The following LYZ variants were observed in gnomAD, a reference collection of about 807,000 sequenced individuals.
LYZ encodes the protein lysozyme.
LYZ carries 18 observed loss-of-function variants against 15.8 expected under a neutral mutation model. That is an observed-to-expected ratio of 1.14 (90% CI 0.79 to 1.69). The LOEUF (loss-of-function observed/expected upper bound fraction) is 1.69, where lower values mean the gene tolerates loss of function less well. LYZ is among the 40% of genes most tolerant of loss of function. The probability of loss-of-function intolerance (pLI) is 0.00; values close to 1 mark genes in which losing one functional copy is unlikely to be tolerated. For synonymous variants in LYZ, 60 were observed against 61.7 expected (o/e 0.97, Z 0.13); for missense variants, 139 against 182.8 (o/e 0.76, Z 1.38).
rs773204148 is a variant in LYZ, at chr12:69,348,498, G to C, written c.90G>C (p.Leu30=). The C allele has an allele frequency of 1.1e-5, 18 of 1,614,066 alleles. No individual in the cohort carries two copies. In the Admixed American group the frequency reaches 2.8e-4, roughly 25 times the overall value. The change falls in exon 1 of 4, where the codon CTG becomes CTC. Residue 30 remains leucine, a synonymous_variant. Transcript: ENST00000261267. The part of the protein sequence containing the change: ...VFERCELART[L]KRLGMDGYRG... ...AAAGGTGTGAGTTGGCCAGAACTCT[G>C]AAAAGATTGGGAATGGATGGCTACA...
Position 69,353,973 on chromosome 12 carries a change from T to C in LYZ, c.*754T>C, listed in dbSNP as rs984952821. 1 of 152,184 alleles carries C rather than the reference T, an allele frequency of 6.6e-6. No individual in the cohort carries two copies. Among genetic ancestry groups the C allele is most frequent in the African/African-American group, 2.4e-5 (1 of 41,430 alleles). 9.4% of individuals were successfully genotyped at this position (152,184 alleles called of 1,614,324 possible). On this transcript the variant is annotated 3_prime_UTR_variant, in exon 4 of 4. Coordinates refer to ENST00000261267, the MANE Select transcript of LYZ (RefSeq NM_000239.3). ...CCAAAAACAGTAAAAATAACCACTT[T>C]TTGTTGGGCAATATGAAATTTTTAA... is the stretch of plus-strand genomic sequence containing the variant.
rs1413508634 is a variant in LYZ at position 69,353,443 on chromosome 12, G to T, written c.*224G>T. ...CAGTTTGCAAATAGAACTAATACTG[G>T]TGAAAATTTACCTAAAACCTTGGTT... is the stretch of plus-strand genomic sequence containing the variant. On this transcript the variant is annotated 3_prime_UTR_variant, in exon 4 of 4. Transcript: ENST00000261267. The T allele has an allele frequency of 1.0e-5, 6 of 587,532 alleles. No individual in the cohort carries two copies. Among genetic ancestry groups the T allele is most frequent in the Admixed American group, 2.9e-5 (1 of 34,604 alleles). The allele number at this position is 587,532 out of a possible 1,614,324, so 36.4% of individuals were successfully genotyped here. A position where few individuals can be genotyped will look rare whatever the true frequency, so the allele number is the denominator to read the frequency against.
At chr12:69,349,957 T>G (rs1874803890) in intron 1 of LYZ, 151 bp from the exon 2 acceptor site, 1 of 667,510 alleles carries the variant, frequency 1.5e-6, no homozygotes, top group Non-Finnish European at 2.6e-6. Context: ...GTCCCTTATC[T>G]TAACACTAAA....
intron 1 of LYZ, among the ~76,000 whole-genome samples, chr12:69,349,302 C>T (rs963121766): frequency 8.5e-5 from 13 of 152,080 alleles, no homozygotes; most frequent in African/African-American, 2.7e-4. Context: ...TGCACCCAGC[C>T]GACATGGGAT....
rs60163961 is a variant in LYZ at position 69,350,737 on chromosome 12, C to CTTTTTTTTTTT, written c.301+487_301+497dup. 2.3e-4 allele frequency among the ~76,000 whole-genome samples: 6 copies of CTTTTTTTTTTT among 26,034 alleles called. 1 individual carries two copies. Among genetic ancestry groups the CTTTTTTTTTTT allele is most frequent in the African/African-American group, 6.1e-4 (6 of 9,912 alleles). 17.1% of individuals were successfully genotyped at this position (26,034 alleles called of 152,430 possible). ...TTTGCCATAGTTGCTTCTTCTATGC[C>CTTTTTTTTTTT]TTTTTTTTTTTTTTTTTTTTTTTTT... On this transcript the variant is annotated intron_variant, in intron 2 of 3. Transcript: ENST00000261267.
At chr12:69,350,297 A>G (rs376558181) in intron 2 of LYZ, 25 bp downstream of exon 2, 4 of 1,612,724 alleles carry the variant, frequency 2.5e-6, no homozygotes, top group African/African-American at 2.7e-5. Context: ...TATTTGACCA[A>G]TCTGGTTATA....
rs1462360160 is a variant in LYZ, at chr12:69,353,190, C to T, written c.418C>T (p.Arg140Cys). 2 of 1,613,944 alleles carry T rather than the reference C, an allele frequency of 1.2e-6. No individual in the cohort carries two copies. Among genetic ancestry groups the T allele is most frequent in the Non-Finnish European group, 8.5e-7 (1 of 1,179,900 alleles). ...AAATCGTTGTCAAAACAGAGATGTC[C>T]GTCAGTATGTTCAAGGTTGTGGAGT... ...WRNRCQNRDV[R>C]QYVQGCGV The change falls in exon 4 of 4, where the codon CGT becomes TGT. Residue 140 changes from arginine to cysteine, a missense_variant. Arg to Cys is a radical substitution (Grantham distance 180). Coordinates refer to ENST00000261267, the MANE Select transcript of LYZ (RefSeq NM_000239.3).
chr12:69,353,295 T>C lies in LYZ; in HGVS notation c.*76T>C, dbSNP rs1442945861. 9.3e-7 allele frequency: 1 copy of C among 1,071,568 alleles called. No homozygotes were observed. The highest frequency in any genetic ancestry group is 1.6e-5 in the African/African-American group (1 of 64,366). 66.4% of individuals were successfully genotyped at this position (1,071,568 alleles called of 1,614,324 possible). On this transcript the variant is annotated 3_prime_UTR_variant, in exon 4 of 4. Transcript: ENST00000261267. ...GTAGGAATTAAGTGAAAGGTCACACTACCATTATTTCCCCTTCAAACAAAT... is the reference window on the plus strand; with the variant it reads ...GTAGGAATTAAGTGAAAGGTCACACCACCATTATTTCCCCTTCAAACAAAT...
Position 69,353,198 on chromosome 12 carries a change from T to C in LYZ, c.426T>C (p.Tyr142=), listed in dbSNP as rs764483042. 2.5e-6 allele frequency: 4 copies of C among 1,614,104 alleles called. No individual in the cohort carries two copies. Among genetic ancestry groups the C allele is most frequent in the East Asian group, 2.2e-5 (1 of 44,870 alleles). ...NRCQNRDVRQ[Y]VQGCGV is the part of the protein sequence containing the mutation. The stretch of plus-strand genomic sequence containing the variant: ...GTCAAAACAGAGATGTCCGTCAGTA[T>C]GTTCAAGGTTGTGGAGTGTAACTCC... Residue 142 remains tyrosine, a synonymous_variant, in exon 4 of 4, where the codon TAT becomes TAC. Coordinates refer to ENST00000261267, the MANE Select transcript of LYZ (RefSeq NM_000239.3).
rs60163961 is a variant in LYZ, at chr12:69,350,737, CTTTTTTTTTTTTTTTTT to C, written c.301+481_301+497del. On this transcript the variant is annotated intron_variant, in intron 2 of 3. Coordinates refer to ENST00000261267, the MANE Select transcript of LYZ (RefSeq NM_000239.3). ...TTTGCCATAGTTGCTTCTTCTATGC[CTTTTTTTTTTTTTTTTT>C]TTTTTTTTTTTTTTTGCTGAGAGTT... is the stretch of plus-strand genomic sequence containing the variant. Among the ~76,000 whole-genome samples, 44 of 26,050 alleles carry C rather than the reference CTTTTTTTTTTTTTTTTT, an allele frequency of 1.7e-3. 1 individual carries two copies. In the Middle Eastern group the frequency reaches 0.075, roughly 44 times the overall value. 17.1% of individuals were successfully genotyped at this position (26,050 alleles called of 152,430 possible).
At chr12:69,353,086 C>T (rs547956404) in intron 3 of LYZ, 67 bp from the exon 4 acceptor site, 22 of 1,078,718 alleles carry the variant, frequency 2.0e-5, no homozygotes, top group South Asian at 8.7e-5. Context: ...CCAAGGAGTG[C>T]GAAGTATGTA....
In LYZ at chr12:69,353,469, A is replaced by G. The variant is rs926381435; in HGVS notation, c.*250A>G. 3 of 539,570 alleles carry G rather than the reference A, an allele frequency of 5.6e-6. No individual in the cohort carries two copies. The African/African-American group carries it at 5.9e-5, about 11-fold the overall frequency. 33.4% of individuals were successfully genotyped at this position (539,570 alleles called of 1,614,324 possible). A position where few individuals can be genotyped will look rare whatever the true frequency, so the allele number is the denominator to read the frequency against. On this transcript the variant is annotated 3_prime_UTR_variant, in exon 4 of 4. Coordinates refer to ENST00000261267, the MANE Select transcript of LYZ (RefSeq NM_000239.3). ...TGAAAATTTACCTAAAACCTTGGTT[A>G]TCAAATACATCTCCAGTACATTCCG...
At chr12:69,349,488 G>T (rs1874794162) in intron 1 of LYZ, among the ~76,000 whole-genome samples, 1 of 152,154 alleles carries the variant, frequency 6.6e-6, no homozygotes, top group Admixed American at 6.5e-5. Flanking sequence ...CACAATTCAA[G>T]ATGTGCCATG....
Position 69,353,239 on chromosome 12 carries a change from C to T in LYZ, c.*20C>T, listed in dbSNP as rs1401573267. ...GTGTAACTCCAGAATTTTCCTTCTT[C>T]AGCTCATTTTGTCTCTCTCACATTA... On this transcript the variant is annotated 3_prime_UTR_variant, in exon 4 of 4. Transcript: ENST00000261267. 4 of 1,597,336 alleles carry T rather than the reference C, an allele frequency of 2.5e-6. No homozygotes were observed. In the South Asian group the frequency reaches 3.3e-5, roughly 13 times the overall value.
chr12:69,351,205 AT>A (rs1456863452), intron 2 of LYZ, among the ~76,000 whole-genome samples: 2 of 152,162 alleles, frequency 1.3e-5, no homozygotes, highest in African/African-American at 4.8e-5. Context: ...GGATTTATTT[AT>A]TTGGAGTGAA....
Position 69,348,511 on chromosome 12 carries a change from A to T in LYZ, c.103A>T (p.Met35Leu). 3.1e-6 allele frequency: 5 copies of T among 1,614,204 alleles called. No homozygotes were observed. The highest frequency in any genetic ancestry group is 4.2e-6 in the Non-Finnish European group (5 of 1,180,036). Residue 35 changes from methionine to leucine, a missense_variant, in exon 1 of 4, where the codon ATG becomes TTG. Physicochemically the swap from Met to Leu is conservative, Grantham distance 15. Coordinates refer to ENST00000261267, the MANE Select transcript of LYZ (RefSeq NM_000239.3). ...ELARTLKRLG[M>L]DGYRGISLAN... ...GGCCAGAACTCTGAAAAGATTGGGA[A>T]TGGATGGCTACAGGGGAATCAGCCT...
intron 2 of LYZ, 38 bp from the exon 3 acceptor site, chr12:69,352,182 T>G: frequency 7.0e-7 from 1 of 1,421,602 alleles, no homozygotes; most frequent in Admixed American, 1.7e-5. Context: ...AAATAAAATA[T>G]CTATTAAAGT....
intron 2 of LYZ, among the ~76,000 whole-genome samples, chr12:69,351,798 A>G (rs577002650): frequency 1.3e-5 from 2 of 152,196 alleles, no homozygotes; most frequent in South Asian, 2.1e-4. Flanking sequence ...TACTGATCCA[A>G]TTGTTACTAT....
At chr12:69,350,921 G>GC (rs1293550474) in intron 2 of LYZ, among the ~76,000 whole-genome samples, 8 of 151,530 alleles carry the variant, frequency 5.3e-5, no homozygotes, top group Admixed American at 4.6e-4. Context: ...CTACAGGTGT[G>GC]CACCACCATG....
Sources: allele counts gnomAD v4.1 joint callset (sites outside exome capture counted in the v4.1 genomes callset), GRCh38; gene constraint gnomAD v4.1.1; transcripts MANE v1.5; gene names NCBI Gene and HGNC (gene_info 2026-07-23, HGNC 2026-07-21).